The following GABRB2 variants were observed in gnomAD, a reference collection of about 807,000 sequenced individuals.
GABRB2 encodes the protein gamma-aminobutyric acid receptor subunit beta-2.
A neutral mutation model predicts 54.7 loss-of-function variants in GABRB2; 16 were observed. The observed-to-expected ratio is 0.29, with a 90% CI of 0.20 to 0.44. The LOEUF (loss-of-function observed/expected upper bound fraction) is 0.44, where lower values mean the gene tolerates loss of function less well. GABRB2 is among the 20% of genes least tolerant of loss of function. The pLI is 1.00. For synonymous variants in GABRB2, 244 were observed against 233.8 expected (o/e 1.04, Z -0.40); for missense variants, 355 against 644.0 (o/e 0.55, Z 4.86).
rs1423018806 is a variant in GABRB2, at chr5:161,378,533, G to A, written c.541+32442C>T. On this transcript the variant is annotated intron_variant, in intron 5 of 9. Transcript: ENST00000393959. ...TTACTTGTTTACTGTGGTTCTAGGG[G>A]CAAAGACATGTTTTTATCAACTGGT... Among the ~76,000 whole-genome samples, 11 of 152,024 alleles carry A rather than the reference G, an allele frequency of 7.2e-5. No individual in the cohort carries two copies. The South Asian group carries it at 2.1e-3, about 29-fold the overall frequency.
intron 5 of GABRB2, among the ~76,000 whole-genome samples, chr5:161,362,407 T>C (rs908331585): frequency 6.6e-6 from 1 of 152,220 alleles, no homozygotes; most frequent in Non-Finnish European, 1.5e-5. Context: ...TTCCTATCCA[T>C]GAGCATGAAA....
chr5:161,483,285 C>T (rs1297477123), intron 3 of GABRB2, among the ~76,000 whole-genome samples: 1 of 151,990 alleles, frequency 6.6e-6, no homozygotes, highest in Non-Finnish European at 1.5e-5. Flanking sequence ...CTTATTTCTT[C>T]TTAGCCTGCA....
intron 5 of GABRB2, among the ~76,000 whole-genome samples, chr5:161,376,761 C>A (rs1755316143): frequency 6.6e-6 from 1 of 152,094 alleles, no homozygotes; most frequent in African/African-American, 2.4e-5. Flanking sequence ...CTAATTCCTG[C>A]AATGCATTTT....
intron 3 of GABRB2, among the ~76,000 whole-genome samples, chr5:161,506,557 C>A (rs916915269): frequency 6.6e-6 from 1 of 152,084 alleles, no homozygotes; most frequent in African/African-American, 2.4e-5. Context: ...TGGATCATAG[C>A]CACAGCCATT....
At chr5:161,423,302 T>C (rs1308545154) in intron 4 of GABRB2, among the ~76,000 whole-genome samples, 1 of 152,130 alleles carries the variant, frequency 6.6e-6, no homozygotes, top group East Asian at 1.9e-4. Context: ...GATTTCGAGA[T>C]AGGCATACCT....
At position 161,289,702 on chromosome 5, in the gene GABRB2, T is replaced by C. The variant is rs758129892; in HGVS notation, c.*4379A>G. 1 of 152,048 alleles carries C rather than the reference T, an allele frequency of 6.6e-6. No homozygotes were observed. The highest frequency in any genetic ancestry group is 1.5e-5 in the Non-Finnish European group (1 of 68,020). The allele number at this position is 152,048 out of a possible 1,614,324, so 9.4% of individuals were successfully genotyped here. The stretch of plus-strand genomic sequence containing the variant: ...TTGCCATTTCAAAGGCTATCTCTTG[T>C]TTGTTATATTGACTACATAAATAGT... On this transcript the variant is annotated 3_prime_UTR_variant, in exon 10 of 10. Coordinates refer to ENST00000393959, the MANE Select transcript of GABRB2 (RefSeq NM_001371727.1).
chr5:161,503,538 G>A (rs1484140766), intron 3 of GABRB2, among the ~76,000 whole-genome samples: 8 of 151,720 alleles, frequency 5.3e-5, no homozygotes, highest in South Asian at 2.1e-4. Flanking sequence ...GAGAAACCTC[G>A]TCTCTACTAA....
Position 161,290,146 on chromosome 5 carries a change from G to T in GABRB2, c.*3935C>A, listed in dbSNP as rs1426064529. The T allele has an allele frequency of 6.6e-6, 1 of 152,252 alleles. No individual in the cohort carries two copies. The highest frequency in any genetic ancestry group is 1.5e-5 in the Non-Finnish European group (1 of 67,970). The allele number at this position is 152,252 out of a possible 1,614,324, so 9.4% of individuals were successfully genotyped here. A position where few individuals can be genotyped will look rare whatever the true frequency, so the allele number is the denominator to read the frequency against. On this transcript the variant is annotated 3_prime_UTR_variant, in exon 10 of 10. Coordinates refer to ENST00000393959, the MANE Select transcript of GABRB2 (RefSeq NM_001371727.1). The stretch of plus-strand genomic sequence containing the variant: ...TTTACACACGTTCAGTGAAAGTTAT[G>T]GTTGCTCACATTACATGTACTCTGT...
chr5:161,422,904 G>T (rs776708413), intron 4 of GABRB2, among the ~76,000 whole-genome samples: 3 of 152,100 alleles, frequency 2.0e-5, no homozygotes, highest in Non-Finnish European at 2.9e-5. Flanking sequence ...AAGTAGAAAA[G>T]ATGATAAAAT....
At chr5:161,547,933 T>C (rs1222597440), upstream of GABRB2, 2 of 152,152 alleles carry the variant, frequency 1.3e-5, no homozygotes, top group Non-Finnish European at 2.9e-5. Flanking sequence ...CGTGCGGAGC[T>C]GGCGCCCCCG....
At chr5:161,411,605 C>G (rs925669015) in intron 4 of GABRB2, among the ~76,000 whole-genome samples, 6 of 152,120 alleles carry the variant, frequency 3.9e-5, no homozygotes, top group African/African-American at 1.4e-4. Context: ...TACCTGATTT[C>G]TGTCCTGAGT....
intron 5 of GABRB2, among the ~76,000 whole-genome samples, chr5:161,344,571 A>G (rs1754263419): frequency 6.6e-6 from 1 of 152,034 alleles, no homozygotes; most frequent in African/African-American, 2.4e-5. Context: ...CTATGGAAAA[A>G]TAGGGATGCT....
chr5:161,500,319 T>C (rs1452021738), intron 3 of GABRB2, among the ~76,000 whole-genome samples: 1 of 151,860 alleles, frequency 6.6e-6, no homozygotes, highest in Non-Finnish European at 1.5e-5. Flanking sequence ...CATTCTTTGC[T>C]TTTTTTTCCA....
intron 5 of GABRB2, among the ~76,000 whole-genome samples, chr5:161,338,552 C>T (rs575261887): frequency 2.0e-5 from 3 of 152,142 alleles, no homozygotes; most frequent in Non-Finnish European, 4.4e-5. Context: ...CTTTGGGAGG[C>T]CAATGCTGGA....
At chr5:161,497,278 T>G (rs1023763383) in intron 3 of GABRB2, among the ~76,000 whole-genome samples, 1 of 152,018 alleles carries the variant, frequency 6.6e-6, no homozygotes, top group Non-Finnish European at 1.5e-5. Flanking sequence ...CTGGCAAACC[T>G]CTCCCAAACC....
chr5:161,391,016 A>G (rs951182408), intron 5 of GABRB2, among the ~76,000 whole-genome samples: 3 of 152,190 alleles, frequency 2.0e-5, no homozygotes, highest in African/African-American at 4.8e-5. Flanking sequence ...AGTTCTAAGA[A>G]CACAACATCT....
chr5:161,539,837 T>C (rs945920646), intron 3 of GABRB2, among the ~76,000 whole-genome samples: 5 of 152,238 alleles, frequency 3.3e-5, no homozygotes, highest in African/African-American at 4.8e-5. Flanking sequence ...TACACTATAC[T>C]GTATCTAATA....
intron 3 of GABRB2, among the ~76,000 whole-genome samples, chr5:161,529,485 A>G (rs1398954362): frequency 1.3e-5 from 2 of 152,032 alleles, no homozygotes; most frequent in African/African-American, 4.8e-5. Flanking sequence ...TTCTAGCTGT[A>G]GCATAGGAGG....
chr5:161,450,299 T>C (rs987923892), intron 4 of GABRB2, among the ~76,000 whole-genome samples: 1 of 152,070 alleles, frequency 6.6e-6, no homozygotes, highest in Non-Finnish European at 1.5e-5. Context: ...AGGAGATCCA[T>C]TGGCTACCAG....
Sources: allele counts gnomAD v4.1 joint callset (sites outside exome capture counted in the v4.1 genomes callset), GRCh38; gene constraint gnomAD v4.1.1; transcripts MANE v1.5; gene names NCBI Gene and HGNC (gene_info 2026-07-23, HGNC 2026-07-21).